CADM2: variants seen among roughly 807,000 people sequenced by gnomAD.
CADM2 encodes cell adhesion molecule 2, also known as immunoglobulin superfamily member 4D.
A neutral mutation model predicts 49.8 loss-of-function variants in CADM2; 12 were observed. The observed-to-expected ratio is 0.24, with a 90% CI of 0.15 to 0.39. The LOEUF (loss-of-function observed/expected upper bound fraction) is 0.39. Among genes scored for constraint, CADM2 ranks in the 10% least tolerant of loss-of-function variants. CADM2 has a pLI of 1.00. For synonymous variants in CADM2, 214 were observed against 175.4 expected (o/e 1.22, Z -1.74); for missense variants, 378 against 492.3 (o/e 0.77, Z 2.20).
In CADM2 at chr3:86,069,506, CCAAA is replaced by C. The variant is rs1739653558; in HGVS notation, c.*2728_*2731del. ...CCTTTAAAAATTATTTAATTTTCAACCAAACAAAAAATAAATTGTAAAAATTATG... is the reference window on the plus strand; with the variant it reads ...CCTTTAAAAATTATTTAATTTTCAACCAAAAAATAAATTGTAAAAATTATG... On this transcript the variant is annotated 3_prime_UTR_variant, in exon 10 of 10. Transcript: ENST00000383699. 1 of 151,864 alleles carries C rather than the reference CCAAA, an allele frequency of 6.6e-6. No individual in the cohort carries two copies. The highest frequency in any genetic ancestry group is 1.5e-5 in the Non-Finnish European group (1 of 67,864). 9.4% of individuals were successfully genotyped at this position (151,864 alleles called of 1,614,324 possible).
intron 1 of CADM2, among the ~76,000 whole-genome samples, chr3:85,030,863 G>C (rs890418712): frequency 1.3e-5 from 2 of 152,076 alleles, no homozygotes; most frequent in African/African-American, 4.8e-5. Context: ...TTTCCATCCT[G>C]TATCAGTCAT....
intron 1 of CADM2, among the ~76,000 whole-genome samples, chr3:85,009,865 C>CAATAAATAAATA (rs34806351): frequency 7.2e-4 from 102 of 140,722 alleles, no homozygotes; most frequent in East Asian, 1.9e-3. Flanking sequence ...GATTCTATCT[C>CAATAAATAAATA]AATAAATAAA....
chr3:85,599,520 A>G (rs970298454), intron 1 of CADM2, among the ~76,000 whole-genome samples: 1 of 151,952 alleles, frequency 6.6e-6, no homozygotes, highest in Non-Finnish European at 1.5e-5. Flanking sequence ...CATTTATATG[A>G]ATTAATATTA....
intron 1 of CADM2, among the ~76,000 whole-genome samples, chr3:85,602,009 C>T (rs1437852883): frequency 6.6e-6 from 1 of 151,750 alleles, no homozygotes; most frequent in Non-Finnish European, 1.5e-5. Context: ...GAAAAACCTT[C>T]AAACATTGTT....
chr3:84,963,796 G>A, intron 1 of CADM2, among the ~76,000 whole-genome samples: 1 of 152,234 alleles, frequency 6.6e-6, no homozygotes, highest in East Asian at 1.9e-4. Context: ...CTTCCTAAAA[G>A]CATATCTTTC....
chr3:85,338,672 A>G (rs2045156985), intron 1 of CADM2, among the ~76,000 whole-genome samples: 1 of 151,530 alleles, frequency 6.6e-6, no homozygotes, highest in Admixed American at 6.6e-5. Context: ...AGTCATGGCT[A>G]AGAAGTGACA....
chr3:85,941,821 C>T (rs1721948434), intron 7 of CADM2, among the ~76,000 whole-genome samples: 1 of 152,030 alleles, frequency 6.6e-6, no homozygotes, highest in African/African-American at 2.4e-5. Flanking sequence ...TGGCTTGGCT[C>T]AGGAGTGGTG....
intron 1 of CADM2, among the ~76,000 whole-genome samples, chr3:85,485,262 G>C (rs1006556239): frequency 6.6e-6 from 1 of 151,616 alleles, no homozygotes; most frequent in African/African-American, 2.4e-5. Context: ...TAAAAAATTA[G>C]AACTATTGTT....
At chr3:85,859,998 T>C (rs1388074608) in intron 3 of CADM2, among the ~76,000 whole-genome samples, 1 of 152,204 alleles carries the variant, frequency 6.6e-6, no homozygotes, top group Non-Finnish European at 1.5e-5. Context: ...TTTGAAAACA[T>C]AACCTATTCT....
At chr3:85,045,489 G>A (rs2035620186) in intron 1 of CADM2, among the ~76,000 whole-genome samples, 1 of 152,006 alleles carries the variant, frequency 6.6e-6, no homozygotes, top group African/African-American at 2.4e-5. Flanking sequence ...TCTAGTGTAG[G>A]AAAAATTATT....
At chr3:85,261,256 C>T (rs1214195916) in intron 1 of CADM2, among the ~76,000 whole-genome samples, 1 of 152,080 alleles carries the variant, frequency 6.6e-6, no homozygotes, top group Admixed American at 6.6e-5. Flanking sequence ...CTGCCTCAGC[C>T]TCCTGAGTAG....
At chr3:85,021,166 A>G (rs1244429485) in intron 1 of CADM2, among the ~76,000 whole-genome samples, 3 of 151,578 alleles carry the variant, frequency 2.0e-5, no homozygotes. Flanking sequence ...AGAAGAAAAG[A>G]AGAAACGTGA....
chr3:84,983,357 A>G (rs2032328358), intron 1 of CADM2, among the ~76,000 whole-genome samples: 13 of 142,994 alleles, frequency 9.1e-5, no homozygotes, highest in Admixed American at 9.1e-4. Flanking sequence ...TCTTGTCTAT[A>G]TCTGTTTTTT....
intron 1 of CADM2, among the ~76,000 whole-genome samples, chr3:85,704,857 A>G (rs935457892): frequency 2.0e-5 from 3 of 149,174 alleles, no homozygotes; most frequent in Admixed American, 6.7e-5. Context: ...TTTATTTATT[A>G]TTATTATTAT....
intron 1 of CADM2, among the ~76,000 whole-genome samples, chr3:85,040,361 GTTTA>G (rs900388548): frequency 2.0e-5 from 3 of 152,226 alleles, no homozygotes; most frequent in East Asian, 3.9e-4. Context: ...TAGCATGTTT[GTTTA>G]TTTGTTTGTT....
intron 1 of CADM2, among the ~76,000 whole-genome samples, chr3:85,144,814 G>C (rs532145648): frequency 6.6e-6 from 1 of 151,796 alleles, no homozygotes; most frequent in African/African-American, 2.4e-5. Context: ...CATAATTACT[G>C]GTAAAAATTA....
At chr3:85,393,895 C>G (rs960767639) in intron 1 of CADM2, among the ~76,000 whole-genome samples, 4 of 152,138 alleles carry the variant, frequency 2.6e-5, no homozygotes, top group African/African-American at 9.7e-5. Flanking sequence ...CTCGCTCCGC[C>G]TCCCAGTTTC....
chr3:85,826,428 C>T (rs2073914512), intron 3 of CADM2, among the ~76,000 whole-genome samples: 1 of 151,932 alleles, frequency 6.6e-6, no homozygotes, highest in Non-Finnish European at 1.5e-5. Context: ...GAATTATTTT[C>T]CTGGTAGTAG....
intron 1 of CADM2, among the ~76,000 whole-genome samples, chr3:85,181,792 A>G (rs1277463322): frequency 6.6e-6 from 1 of 150,958 alleles, no homozygotes; most frequent in Non-Finnish European, 1.5e-5. Context: ...TTATTGTTAT[A>G]TATCTCTCTC....
Sources: allele counts gnomAD v4.1 joint callset (sites outside exome capture counted in the v4.1 genomes callset), GRCh38; gene constraint gnomAD v4.1.1; transcripts MANE v1.5; gene names NCBI Gene and HGNC (gene_info 2026-07-23, HGNC 2026-07-21).